The following CDH2 variants were observed in gnomAD, a reference collection of about 807,000 sequenced individuals.
CDH2 encodes the protein cadherin-2.
CDH2 carries 17 observed loss-of-function variants against 92.0 expected under a neutral mutation model. The ratio of observed to expected loss-of-function variants is 0.18; its 90% CI spans 0.13 to 0.28. CDH2 has a LOEUF of 0.28. Among genes scored for constraint, CDH2 ranks in the 10% least tolerant of loss-of-function variants. CDH2 has a pLI of 1.00. For synonymous variants in CDH2, 419 were observed against 415.9 expected (o/e 1.01, Z -0.09); for missense variants, 862 against 1,133.1 (o/e 0.76, Z 3.44).
chr18:28,127,546 C>A (rs1237427998), intron 2 of CDH2, among the ~76,000 whole-genome samples: 4 of 152,118 alleles, frequency 2.6e-5, no homozygotes, highest in Non-Finnish European at 5.9e-5. Context: ...ATTTAATGTT[C>A]CTAAAATAAT....
intron 2 of CDH2, among the ~76,000 whole-genome samples, chr18:28,048,005 C>T (rs1337764012): frequency 1.3e-5 from 2 of 151,078 alleles, no homozygotes; most frequent in African/African-American, 2.4e-5. Flanking sequence ...TTCTTCATTA[C>T]AGTTTTGCTT....
In CDH2 at chr18:28,107,917, A is replaced by C. The variant is rs145725243; in HGVS notation, c.172+39756T>G. Among the ~76,000 whole-genome samples the C allele has an allele frequency of 4.0e-3, 607 of 152,328 alleles. 7 individuals are homozygous for C. The highest frequency in any genetic ancestry group is 0.014 in the African/African-American group (589 of 41,588). ...CCCTCCCATTCTAGGCCATTAAAAA[A>C]CATTCACAGTTTCCTCCAGTATCCT... On this transcript the variant is annotated intron_variant, in intron 2 of 15. Transcript: ENST00000269141.
intron 2 of CDH2, among the ~76,000 whole-genome samples, chr18:28,090,922 T>G (rs1028334775): frequency 6.6e-6 from 1 of 152,154 alleles, no homozygotes; most frequent in Non-Finnish European, 1.5e-5. Context: ...GATTAAGCCT[T>G]AAATTTCTAT....
At chr18:28,150,442 C>T (rs1296019976) in intron 1 of CDH2, among the ~76,000 whole-genome samples, 1 of 152,164 alleles carries the variant, frequency 6.6e-6, no homozygotes, top group Non-Finnish European at 1.5e-5. Context: ...ATCAGCGGCA[C>T]CAAGTTCCTG....
chr18:28,175,512 G>A (rs1391365058), intron 1 of CDH2, among the ~76,000 whole-genome samples: 1 of 152,134 alleles, frequency 6.6e-6, no homozygotes, highest in Non-Finnish European at 1.5e-5. Flanking sequence ...GGCGCACCAT[G>A]GACAGGGCTC....
chr18:28,086,058 T>C (rs1458205287), intron 2 of CDH2, among the ~76,000 whole-genome samples: 1 of 152,108 alleles, frequency 6.6e-6, no homozygotes, highest in Non-Finnish European at 1.5e-5. Context: ...TACAAGACCT[T>C]TGAGACCATG....
chr18:28,096,333 C>A (rs1201710026), intron 2 of CDH2, among the ~76,000 whole-genome samples: 1 of 150,912 alleles, frequency 6.6e-6, no homozygotes, highest in Non-Finnish European at 1.5e-5. Flanking sequence ...AAGATTGGTC[C>A]ATGCTAGTAA....
intron 6 of CDH2, among the ~76,000 whole-genome samples, chr18:27,936,962 G>A (rs1295377657): frequency 2.0e-5 from 3 of 152,194 alleles, no homozygotes; most frequent in East Asian, 3.8e-4. Context: ...TAATTCAAAA[G>A]GAAACTTTAG....
chr18:27,938,939 A>G (rs1909077771), intron 6 of CDH2, among the ~76,000 whole-genome samples: 1 of 152,216 alleles, frequency 6.6e-6, no homozygotes, highest in South Asian at 2.1e-4. Flanking sequence ...TAATATTTAC[A>G]GTCTAGGTAG....
At chr18:27,933,442 A>C (rs1908948956) in intron 6 of CDH2, among the ~76,000 whole-genome samples, 1 of 152,206 alleles carries the variant, frequency 6.6e-6, no homozygotes, top group African/African-American at 2.4e-5. Flanking sequence ...CATCAACATG[A>C]CCAATATAAA....
At chr18:28,133,581 CAAAAAAAAAAAA>C (rs765999292) in intron 2 of CDH2, among the ~76,000 whole-genome samples, 4 of 47,254 alleles carry the variant, frequency 8.5e-5, no homozygotes, top group South Asian at 8.5e-4. Context: ...GACTCTGTCT[CAAAAAAAAAAAA>C]AAAAAAAAAA....
chr18:28,007,412 T>C (rs1358078819), intron 5 of CDH2, among the ~76,000 whole-genome samples: 2 of 151,968 alleles, frequency 1.3e-5, no homozygotes, highest in East Asian at 1.9e-4. Context: ...GGAATGCTTC[T>C]AGTTTTCATG....
intron 14 of CDH2, among the ~76,000 whole-genome samples, chr18:27,968,110 C>A (rs1481949760): frequency 6.6e-6 from 1 of 152,182 alleles, no homozygotes; most frequent in African/African-American, 2.4e-5. Flanking sequence ...AAGCAAGCAA[C>A]CTTTATCTGG....
At chr18:28,161,162 C>G (rs1421294131) in intron 1 of CDH2, among the ~76,000 whole-genome samples, 1 of 152,166 alleles carries the variant, frequency 6.6e-6, no homozygotes, top group Non-Finnish European at 1.5e-5. Context: ...CTACTGTGTT[C>G]TTTGGAACAC....
chr18:28,134,123 T>C (rs2015821456), intron 2 of CDH2, among the ~76,000 whole-genome samples: 1 of 126,508 alleles, frequency 7.9e-6, no homozygotes, highest in Non-Finnish European at 1.6e-5. Flanking sequence ...ACTACAGTTC[T>C]GACTAAATTT....
intron 2 of CDH2, among the ~76,000 whole-genome samples, chr18:28,120,758 G>A (rs980209868): frequency 1.3e-5 from 2 of 152,036 alleles, no homozygotes; most frequent in Non-Finnish European, 2.9e-5. Flanking sequence ...ATGAATGAAA[G>A]AACAGTATTG....
intron 4 of CDH2, 99 bp from the exon 5 acceptor site, chr18:28,009,971 CTT>C: frequency 1.2e-6 from 1 of 834,842 alleles, no homozygotes; most frequent in Non-Finnish European, 1.7e-6. Flanking sequence ...CAGCTACAAA[CTT>C]ATACCATCTC....
chr18:28,078,281 A>G (rs990877449), intron 2 of CDH2, among the ~76,000 whole-genome samples: 3 of 152,152 alleles, frequency 2.0e-5, no homozygotes, highest in Non-Finnish European at 4.4e-5. Context: ...ACCTCCTGGA[A>G]CTGTGCAAAC....
intron 2 of CDH2, among the ~76,000 whole-genome samples, chr18:28,036,786 C>G (rs1016417305): frequency 6.6e-6 from 1 of 152,144 alleles, no homozygotes; most frequent in Non-Finnish European, 1.5e-5. Flanking sequence ...GGGCACAACA[C>G]AAAACCTTCC....
Sources: gnomAD v4.1 joint callset for allele counts (sites outside exome capture counted in the v4.1 genomes callset) on GRCh38, gnomAD v4.1.1 for gene constraint, MANE v1.5 for transcripts, NCBI Gene and HGNC (gene_info 2026-07-23, HGNC 2026-07-21) for gene names.